The following PCDH11X variants were observed in gnomAD, a reference collection of about 807,000 sequenced individuals.
PCDH11X encodes the protein protocadherin-11 X-linked.
Under a neutral mutation model 53.3 loss-of-function variants are expected in PCDH11X, and 18 were observed. The ratio of observed to expected loss-of-function variants is 0.34; its 90% CI spans 0.23 to 0.50. PCDH11X has a LOEUF of 0.50. Among genes scored for constraint, PCDH11X ranks in the 20% least tolerant of loss-of-function variants. The pLI, the probability that PCDH11X is intolerant of heterozygous loss-of-function variation, is 0.98. For synonymous variants in PCDH11X, 279 were observed against 393.3 expected, an observed-to-expected ratio of 0.71 and a Z score of 3.44; for missense variants, 570 against 1,032.4, an observed-to-expected ratio of 0.55 and a Z score of 6.14.
chrX:91,823,397 C>G (rs1936774721), intron 4 of PCDH11X, among the ~76,000 whole-genome samples: 2 of 111,158 alleles, frequency 1.8e-5, no homozygotes, highest in Admixed American at 9.6e-5. Context: ...GTTAGCTCTT[C>G]TTGTTGAATT....
At chrX:92,446,448 C>T (rs1020092045) in intron 9 of PCDH11X, among the ~76,000 whole-genome samples, 4 of 110,861 alleles carry the variant, frequency 3.6e-5, no homozygotes, top group African/African-American at 1.3e-4. Context: ...AATTATGGGG[C>T]AGGCCTTTCC....
At chrX:92,038,436 C>T in intron 6 of PCDH11X, among the ~76,000 whole-genome samples, 1 of 110,970 alleles carries the variant, frequency 9.0e-6, no homozygotes, top group Non-Finnish European at 1.9e-5. Flanking sequence ...GCGCAAGCCT[C>T]AAGCTTTGGC....
chrX:92,484,115 TATA>T (rs1438772356), intron 10 of PCDH11X, among the ~76,000 whole-genome samples: 224 of 74,355 alleles, frequency 3.0e-3, no homozygotes, highest in African/African-American at 9.2e-3. Flanking sequence ...TGTGTATATA[TATA>T]GTATATATAT....
intron 6 of PCDH11X, among the ~76,000 whole-genome samples, chrX:92,154,616 G>C (rs1304746892): frequency 9.1e-6 from 1 of 109,884 alleles, no homozygotes; most frequent in African/African-American, 3.4e-5. Context: ...ACCCTAGTGG[G>C]CAGACACACA....
intron 9 of PCDH11X, among the ~76,000 whole-genome samples, chrX:92,419,883 T>C (rs1474052804): frequency 9.2e-6 from 1 of 109,160 alleles, no homozygotes; most frequent in Non-Finnish European, 1.9e-5. Context: ...GGTTTCACCG[T>C]TTTAGCCCAG....
intron 9 of PCDH11X, among the ~76,000 whole-genome samples, chrX:92,466,131 T>C (rs962440263): frequency 1.9e-4 from 21 of 111,286 alleles, no homozygotes. Flanking sequence ...ACAAATTATG[T>C]TTTAAGTTAC....
chrX:92,618,755 G>T lies in PCDH11X; in HGVS notation c.3859G>T (p.Asp1287Tyr). ...GCAGCAAGGTTGGGTGCAAGGTGCT[G>T]ATGGGCTATGCTCTGTTGATCAGGG... ...SLQQGWVQGA[D>Y]GLCSVDQGVQ... The change falls in exon 11 of 11, where the codon GAT becomes TAT. Residue 1287 changes from aspartate (D) to tyrosine (Y), a missense_variant. Physicochemically the swap from Asp to Tyr is radical, Grantham distance 160 (BLOSUM62 -3). Around this residue, in one of 6 missense-constraint regions of PCDH11X, gnomAD observed 234 missense variants for 296.1 expected, o/e 0.79. Transcript: ENST00000682573. The T allele has an allele frequency of 1.7e-6, 2 of 1,212,012 alleles. No individual in the cohort carries two copies. The highest frequency in any genetic ancestry group is 2.2e-6 in the Non-Finnish European group (2 of 895,527).
intron 5 of PCDH11X, among the ~76,000 whole-genome samples, chrX:91,870,568 A>G (rs1358126358): frequency 9.0e-6 from 1 of 111,040 alleles, no homozygotes; most frequent in Non-Finnish European, 1.9e-5. Flanking sequence ...TTTAAAAAAA[A>G]GAACCACATG....
chrX:92,374,060 C>T (rs1238298407), intron 8 of PCDH11X, among the ~76,000 whole-genome samples: 1 of 107,128 alleles, frequency 9.3e-6, no homozygotes, highest in Non-Finnish European at 1.9e-5. Flanking sequence ...ATGCATGTTC[C>T]TATGAGATTG....
chrX:92,224,040 A>T (rs1428875255), intron 7 of PCDH11X, among the ~76,000 whole-genome samples: 1 of 111,849 alleles, frequency 8.9e-6, no homozygotes, highest in Non-Finnish European at 1.9e-5. Flanking sequence ...TTTTGTGTAG[A>T]AGAAATTTCT....
At position 92,066,505 on chromosome X, in the gene PCDH11X, CTT is replaced by C. The variant is rs781400824; in HGVS notation, c.3034-134868_3034-134867del. Reference sequence around the variant, plus strand: ...GGAATATCTTGAATTTTTGTGTCCTCTTTGTTTCATCTGAGCTTCATGGTATT... The same window carrying C: ...GGAATATCTTGAATTTTTGTGTCCTCTGTTTCATCTGAGCTTCATGGTATT... On this transcript the variant is annotated intron_variant, in intron 6 of 10. Transcript: ENST00000682573. Among the ~76,000 whole-genome samples, 281 of 110,146 alleles carry C rather than the reference CTT, an allele frequency of 2.6e-3. 2 individuals are homozygous for C. Among genetic ancestry groups the C allele is most frequent in the African/African-American group, 9.0e-3 (272 of 30,371 alleles).
intron 1 of PCDH11X, among the ~76,000 whole-genome samples, chrX:91,790,319 C>A (rs184079391): frequency 2.5e-4 from 28 of 111,691 alleles, no homozygotes; most frequent in African/African-American, 8.5e-4. Flanking sequence ...AAAATGAAAA[C>A]CATTCATCAT....
intron 6 of PCDH11X, among the ~76,000 whole-genome samples, chrX:91,967,929 G>A (rs1439486120): frequency 1.8e-5 from 2 of 110,981 alleles, no homozygotes; most frequent in Non-Finnish European, 3.8e-5. Flanking sequence ...TCTGATTTTA[G>A]TGATGAGAAA....
chrX:92,495,791 G>A (rs776757315), intron 10 of PCDH11X, among the ~76,000 whole-genome samples: 4 of 105,498 alleles, frequency 3.8e-5, no homozygotes, highest in East Asian at 5.8e-4. Flanking sequence ...ATGCAAAAGC[G>A]GAAACCCTTG....
intron 6 of PCDH11X, among the ~76,000 whole-genome samples, chrX:92,186,291 A>T (rs1191072382): frequency 8.9e-6 from 1 of 111,961 alleles, no homozygotes; most frequent in Non-Finnish European, 1.9e-5. Context: ...GTTCTCATTC[A>T]TATGTGGGAG....
In PCDH11X at chrX:91,926,482, T is replaced by A. The variant is rs1303888603; in HGVS notation, c.3033+47209T>A. 7.2e-5 allele frequency among the ~76,000 whole-genome samples: 8 copies of A among 111,443 alleles called. No homozygotes were observed. The East Asian group carries it at 2.3e-3, about 32-fold the overall frequency. ...ATACCGTTGTAGAGTTATCACTTCT[T>A]TTGATGAGGGTGCTATTTTATCCTG... is the stretch of plus-strand genomic sequence containing the variant. On this transcript the variant is annotated intron_variant, in intron 6 of 10. Coordinates refer to ENST00000682573, the MANE Select transcript of PCDH11X (RefSeq NM_032968.5).
chrX:91,821,394 T>C (rs1936676258), intron 4 of PCDH11X, among the ~76,000 whole-genome samples: 1 of 109,739 alleles, frequency 9.1e-6, no homozygotes, highest in Admixed American at 9.7e-5. Context: ...TTCACATCCC[T>C]TGTAAGTTGG....
chrX:92,294,533 C>A (rs1239649076), intron 8 of PCDH11X, among the ~76,000 whole-genome samples: 6 of 112,172 alleles, frequency 5.3e-5, no homozygotes, highest in African/African-American at 1.9e-4. Context: ...CTATCTTAAT[C>A]TCCTTGAAAT....
rs1390305847 is a variant in PCDH11X, at chrX:91,877,566, C to A, written c.1326C>A (p.Gly442=). The change falls in exon 6 of 11, where the codon GGC becomes GGA. Residue 442 remains glycine, a synonymous_variant. Coordinates refer to ENST00000682573, the MANE Select transcript of PCDH11X (RefSeq NM_032968.5). ...YAIKLLAADA[G]KPPLNQSAML... Reference sequence around the variant, plus strand: ...TTAAATTACTGGCTGCAGATGCTGGCAAACCTCCTTTGAATCAGTCAGCAA... The same window carrying A: ...TTAAATTACTGGCTGCAGATGCTGGAAAACCTCCTTTGAATCAGTCAGCAA... The A allele has an allele frequency of 8.3e-7, 1 of 1,210,525 alleles. No individual in the cohort carries two copies. Among genetic ancestry groups the A allele is most frequent in the Non-Finnish European group, 1.1e-6 (1 of 895,157 alleles).
Sources: allele counts gnomAD v4.1 joint callset (sites outside exome capture counted in the v4.1 genomes callset), GRCh38; gene constraint gnomAD v4.1.1; regional missense constraint gnomAD v4.1.1; transcripts MANE v1.5; gene names NCBI Gene and HGNC (gene_info 2026-07-23, HGNC 2026-07-21).